MKLN1: variants seen among roughly 807,000 people sequenced by gnomAD.
MKLN1 encodes the protein muskelin.
MKLN1 carries 18 observed loss-of-function variants against 99.0 expected under a neutral mutation model. The ratio of observed to expected loss-of-function variants is 0.18; its 90% CI spans 0.13 to 0.27. The LOEUF is 0.27. MKLN1 is among the 10% of genes least tolerant of loss of function. MKLN1 has a pLI of 1.00. For synonymous variants in MKLN1, 288 were observed against 293.2 expected (o/e 0.98, Z 0.18); for missense variants, 621 against 875.9 (o/e 0.71, Z 3.67).
chr7:131,338,075 A>G (rs972795293), intron 1 of MKLN1, among the ~76,000 whole-genome samples: 6 of 152,320 alleles, frequency 3.9e-5, no homozygotes, highest in East Asian at 1.9e-4. Flanking sequence ...AGAGATCTCA[A>G]TTAAGAGATT....
intron 2 of MKLN1, among the ~76,000 whole-genome samples, chr7:131,153,028 T>C (rs1584794620): frequency 7.0e-6 from 1 of 141,978 alleles, no homozygotes; most frequent in Non-Finnish European, 1.5e-5. Context: ...CATATATATA[T>C]ATATATTTTT....
chr7:131,241,906 C>T (rs184021209), intron 3 of MKLN1, among the ~76,000 whole-genome samples: 150 of 152,230 alleles, frequency 9.9e-4, no homozygotes, highest in African/African-American at 3.3e-3. Flanking sequence ...TTTGTCTTTC[C>T]GAATCACCCT....
chr7:131,310,748 A>T (rs1327074283), intron 3 of MKLN1: 1 of 152,212 alleles, frequency 6.6e-6, no homozygotes, highest in Non-Finnish European at 1.5e-5. Flanking sequence ...ATCCTTAGTA[A>T]AATAACAAGT....
At chr7:131,153,798 G>T (rs546149777) in intron 2 of MKLN1, among the ~76,000 whole-genome samples, 2 of 151,760 alleles carry the variant, frequency 1.3e-5, no homozygotes, top group South Asian at 4.2e-4. Context: ...GAGTAGCTAG[G>T]ATTACAGGCG....
chr7:131,381,369 T>C (rs1793841353), intron 2 of MKLN1, among the ~76,000 whole-genome samples: 1 of 152,200 alleles, frequency 6.6e-6, no homozygotes, highest in Non-Finnish European at 1.5e-5. Context: ...AAGGGTGATA[T>C]TATATCTTTA....
At chr7:131,301,016 A>G (rs1196868807) in intron 3 of MKLN1, among the ~76,000 whole-genome samples, 1 of 152,184 alleles carries the variant, frequency 6.6e-6, no homozygotes, top group Non-Finnish European at 1.5e-5. Flanking sequence ...TTATCCTAAG[A>G]CTTAACGTGA....
intron 2 of MKLN1, among the ~76,000 whole-genome samples, chr7:131,146,429 T>C (rs1262772262): frequency 6.6e-6 from 1 of 152,212 alleles, no homozygotes. Context: ...CCTATCACTC[T>C]AATGAAATAA....
chr7:131,256,673 T>C (rs1388887738), intron 3 of MKLN1, among the ~76,000 whole-genome samples: 1 of 152,210 alleles, frequency 6.6e-6, no homozygotes, highest in Non-Finnish European at 1.5e-5. Context: ...TGGATGCAGC[T>C]GGAGCCCATT....
chr7:131,332,355 AAT>A (rs1289537502), intron 1 of MKLN1, among the ~76,000 whole-genome samples: 14 of 148,078 alleles, frequency 9.5e-5, no homozygotes, highest in African/African-American at 1.5e-4. Context: ...AAAATATGTA[AAT>A]ATATATATAT....
rs1796601927 is a variant in MKLN1 at position 131,464,426 on chromosome 7, AC to A, written c.1788+20del. ...TACACAAGGTATCCTAACTACATTG[AC>A]CTGTAAACTTTCCATGGCCTACTAT... On this transcript the variant is annotated intron_variant, in intron 14 of 17. Coordinates refer to ENST00000352689, the MANE Select transcript of MKLN1 (RefSeq NM_013255.5). The A allele has an allele frequency of 6.9e-7, 1 of 1,458,600 alleles. No homozygotes were observed. Among genetic ancestry groups the A allele is most frequent in the East Asian group, 2.3e-5 (1 of 43,748 alleles). 90.4% of individuals were successfully genotyped at this position (1,458,600 alleles called of 1,614,324 possible).
At chr7:131,172,355 A>G (rs1268684105) in intron 2 of MKLN1, among the ~76,000 whole-genome samples, 27 of 149,288 alleles carry the variant, frequency 1.8e-4, no homozygotes, top group Non-Finnish European at 3.6e-4. Context: ...TCGCTCTGTC[A>G]CCCAGGCTCG....
intron 1 of MKLN1, among the ~76,000 whole-genome samples, chr7:131,120,414 C>T (rs1337462849): frequency 2.9e-5 from 4 of 137,110 alleles, no homozygotes; most frequent in South Asian, 2.4e-4. Context: ...CCAGGTGTGG[C>T]GGTGGGCGCC....
chr7:131,444,807 GT>G (rs1467921138), intron 11 of MKLN1, among the ~76,000 whole-genome samples: 5 of 149,360 alleles, frequency 3.3e-5, no homozygotes, highest in Admixed American at 1.3e-4. Flanking sequence ...AGTAGTAGTA[GT>G]AGTAGTAGTA....
chr7:131,162,329 A>G (rs1796067471), intron 2 of MKLN1, among the ~76,000 whole-genome samples: 1 of 152,194 alleles, frequency 6.6e-6, no homozygotes, highest in Admixed American at 6.6e-5. Flanking sequence ...CTGGAATTAT[A>G]GGAATGAACC....
intron 3 of MKLN1, among the ~76,000 whole-genome samples, chr7:131,235,480 C>T (rs1197772674): frequency 2.0e-5 from 3 of 152,112 alleles, no homozygotes; most frequent in African/African-American, 4.8e-5. Flanking sequence ...AGTTCAAAAG[C>T]GGCTGTCACC....
At chr7:131,158,432 T>TCAAA (rs148403408) in intron 2 of MKLN1, among the ~76,000 whole-genome samples, 2,994 of 152,062 alleles carry the variant, frequency 0.02, 54 homozygotes, top group African/African-American at 0.05. Context: ...AAACTCCATC[T>TCAAA]CAAACAAACA....
chr7:131,367,227 A>G (rs1043926618), intron 1 of MKLN1, among the ~76,000 whole-genome samples: 1 of 152,228 alleles, frequency 6.6e-6, no homozygotes, highest in Admixed American at 6.5e-5. Context: ...GTAAGAATGA[A>G]AATGTACATT....
intron 12 of MKLN1, among the ~76,000 whole-genome samples, chr7:131,460,544 C>T (rs415344): frequency 6.6e-6 from 1 of 152,232 alleles, no homozygotes; most frequent in African/African-American, 2.4e-5. Context: ...ACTTTAAGCT[C>T]TGCTCTCATT....
intron 2 of MKLN1, among the ~76,000 whole-genome samples, chr7:131,177,617 T>G (rs1796318913): frequency 6.6e-6 from 1 of 152,192 alleles, no homozygotes; most frequent in Admixed American, 6.5e-5. Flanking sequence ...TTCTTGCTTG[T>G]TTTTGACTTC....
Sources: allele counts gnomAD v4.1 joint callset (sites outside exome capture counted in the v4.1 genomes callset), GRCh38; gene constraint gnomAD v4.1.1; transcripts MANE v1.5; gene names NCBI Gene and HGNC (gene_info 2026-07-23, HGNC 2026-07-21).